The following JMY variants were observed in gnomAD, a reference collection of about 807,000 sequenced individuals.
JMY encodes junction mediating and regulatory protein, p53 cofactor.
JMY carries 46 observed loss-of-function variants against 103.3 expected under a neutral mutation model. The ratio of observed to expected loss-of-function variants is 0.45; its 90% CI spans 0.35 to 0.57. The LOEUF (loss-of-function observed/expected upper bound fraction) is 0.57, where lower values mean the gene tolerates loss of function less well. Ranked by LOEUF, JMY falls within the 20% of genes least tolerant of loss-of-function variation. The pLI, the probability that JMY is intolerant of heterozygous loss-of-function variation, is 0.00. For missense variants in JMY, 1,238 were observed against 1,255.2 expected (o/e 0.99, Z 0.21); for synonymous variants, 526 against 489.3 (o/e 1.07, Z -0.99).
intron 6 of JMY, among the ~76,000 whole-genome samples, chr5:79,304,288 T>C (rs886722994): frequency 2.6e-5 from 4 of 152,130 alleles, no homozygotes; most frequent in Non-Finnish European, 5.9e-5. Flanking sequence ...GAAAAGCTAC[T>C]GAGAAGATCA....
chr5:79,299,230 A>G (rs940447668), intron 4 of JMY, among the ~76,000 whole-genome samples: 6 of 152,152 alleles, frequency 3.9e-5, no homozygotes, highest in African/African-American at 1.4e-4. Flanking sequence ...CCTTTAAACT[A>G]CCAAAGCAGT....
intron 10 of JMY, among the ~76,000 whole-genome samples, chr5:79,318,174 CTT>C (rs35595124): frequency 6.8e-6 from 1 of 146,044 alleles, no homozygotes. Context: ...GCTCTTTTTT[CTT>C]TTTTTTTTTT....
intron 10 of JMY, among the ~76,000 whole-genome samples, chr5:79,319,681 A>T (rs543285379): frequency 5.3e-5 from 8 of 152,018 alleles, no homozygotes; most frequent in Middle Eastern, 3.4e-3. Flanking sequence ...TCGTGATTCA[A>T]GAGATTCTCC....
chr5:79,271,927 A>G (rs978448524), intron 1 of JMY, among the ~76,000 whole-genome samples: 2 of 152,090 alleles, frequency 1.3e-5, no homozygotes, highest in African/African-American at 2.4e-5. Flanking sequence ...AGGGGGCAAC[A>G]TGGTGAAACT....
chr5:79,265,188 T>G (rs2112070226), intron 1 of JMY, among the ~76,000 whole-genome samples: 1 of 152,344 alleles, frequency 6.6e-6, no homozygotes, highest in Non-Finnish European at 1.5e-5. Flanking sequence ...CCTCCCAAAG[T>G]GCTGGGATTA....
chr5:79,300,326 G>A lies in JMY; in HGVS notation c.1693+8G>A, dbSNP rs59421799. On this transcript the variant is annotated splice_region_variant and intron_variant, in intron 5 of 10. Coordinates refer to ENST00000396137, the MANE Select transcript of JMY (RefSeq NM_152405.5). ...TCAAAAGACTTATATCAGGTATGGC[G>A]TGCATTTAACCACATAAGTTCACCA... 37 of 1,518,502 alleles carry A rather than the reference G, an allele frequency of 2.4e-5. No homozygotes were observed. The African/African-American group carries it at 3.4e-4, about 14-fold the overall frequency. The allele number at this position is 1,518,502 out of a possible 1,614,324, so 94.1% of individuals were successfully genotyped here. A position where few individuals can be genotyped will look rare whatever the true frequency, so the allele number is the denominator to read the frequency against.
intron 10 of JMY, among the ~76,000 whole-genome samples, chr5:79,318,064 T>C (rs1252693132): frequency 6.6e-6 from 1 of 152,180 alleles, no homozygotes; most frequent in Non-Finnish European, 1.5e-5. Flanking sequence ...TGCAGTGACA[T>C]GATCTCGGCT....
chr5:79,238,194 C>G (rs951520083), intron 1 of JMY, among the ~76,000 whole-genome samples: 3 of 152,112 alleles, frequency 2.0e-5, no homozygotes, highest in Admixed American at 1.3e-4. Context: ...GAAAAAGCAC[C>G]TAGTGACTAT....
chr5:79,318,181 T>C (rs1447048202), intron 10 of JMY, among the ~76,000 whole-genome samples: 2 of 150,962 alleles, frequency 1.3e-5, no homozygotes, highest in African/African-American at 2.4e-5. Context: ...TTTCTTTTTT[T>C]TTTTTGTATT....
chr5:79,314,631 T>TCCCCCCCCCCCCCCCCCCCCCCCCCCCCC lies in JMY; in HGVS notation c.2444_2445insCCCCCCCCCCCCCCCCCCCCCCCCCCCCC (p.Pro825HisfsTer73). On this transcript the variant is annotated frameshift_variant, in exon 9 of 11. Coordinates refer to ENST00000396137, the MANE Select transcript of JMY (RefSeq NM_152405.5). LOFTEE classifies it high-confidence loss of function. ...CCCCTCTTCCTCCAACACCACCACC[T>TCCCCCCCCCCCCCCCCCCCCCCCCCCCCC]CCCCCACCTCCTCCCCCTCCCCCAC... 1.0e-6 allele frequency: 1 copy of TCCCCCCCCCCCCCCCCCCCCCCCCCCCCC among 978,610 alleles called. No individual in the cohort carries two copies. 60.6% of individuals were successfully genotyped at this position (978,610 alleles called of 1,614,324 possible).
Position 79,236,693 on chromosome 5 carries a change from G to T in JMY, c.43G>T (p.Ala15Ser). 6.7e-7 allele frequency: 1 copy of T among 1,491,580 alleles called. No individual in the cohort carries two copies. 92.4% of individuals were successfully genotyped at this position (1,491,580 alleles called of 1,614,324 possible). A position where few individuals can be genotyped will look rare whatever the true frequency, so the allele number is the denominator to read the frequency against. ...LEETLESDWV[A>S]VRPHVFDERE... ...GGAGACGCTCGAGTCGGACTGGGTG[G>T]CTGTGCGGCCCCATGTGTTCGACGA... Residue 15 changes from alanine (A) to serine (S), a missense_variant, in exon 1 of 11, where the codon GCT becomes TCT. Physicochemically the swap from Ala to Ser is moderately conservative, Grantham distance 99 (BLOSUM62 1). Coordinates refer to ENST00000396137, the MANE Select transcript of JMY (RefSeq NM_152405.5).
At chr5:79,309,709 T>C (rs940629976) in intron 7 of JMY, among the ~76,000 whole-genome samples, 5 of 151,682 alleles carry the variant, frequency 3.3e-5, no homozygotes, top group Non-Finnish European at 5.9e-5. Flanking sequence ...AAACTACCCA[T>C]AAACTATAAG....
intron 1 of JMY, among the ~76,000 whole-genome samples, chr5:79,243,649 T>A (rs979145104): frequency 2.0e-5 from 3 of 152,236 alleles, no homozygotes; most frequent in South Asian, 2.1e-4. Context: ...CAAACTGCTC[T>A]TTTACTGTAA....
chr5:79,317,630 G>C (rs1407364834), intron 10 of JMY, among the ~76,000 whole-genome samples: 1 of 152,198 alleles, frequency 6.6e-6, no homozygotes, highest in East Asian at 1.9e-4. Context: ...GGGAAGACTT[G>C]AGTCCTAGAA....
chr5:79,245,080 CTT>C (rs1397238999), intron 1 of JMY, among the ~76,000 whole-genome samples: 5 of 152,016 alleles, frequency 3.3e-5, no homozygotes, highest in Middle Eastern at 3.2e-3. Flanking sequence ...ATAGTAGACT[CTT>C]TTTCAGACTG....
intron 2 of JMY, among the ~76,000 whole-genome samples, chr5:79,282,178 A>G (rs1399421851): frequency 1.3e-5 from 2 of 152,036 alleles, no homozygotes; most frequent in Non-Finnish European, 2.9e-5. Flanking sequence ...CTGCATTCCA[A>G]CCTGGGTGAC....
chr5:79,290,652 C>T (rs1356940900), intron 3 of JMY, among the ~76,000 whole-genome samples: 1 of 152,066 alleles, frequency 6.6e-6, no homozygotes, highest in East Asian at 1.9e-4. Flanking sequence ...TTTCTGAGGA[C>T]AGATTGAAGA....
chr5:79,251,042 G>C (rs1171184133), intron 1 of JMY, among the ~76,000 whole-genome samples: 3 of 151,990 alleles, frequency 2.0e-5, no homozygotes, highest in Non-Finnish European at 2.9e-5. Context: ...TTCTTAAGAA[G>C]AGTATGTAGG....
chr5:79,312,549 A>C (rs1472019848), intron 8 of JMY, 51 bp downstream of exon 8: 3 of 927,184 alleles, frequency 3.2e-6, no homozygotes, highest in East Asian at 2.7e-5. Context: ...TTTTTTTTTA[A>C]CAGAGCTACA....
Sources: gnomAD v4.1 joint callset for allele counts (sites outside exome capture counted in the v4.1 genomes callset) on GRCh38, gnomAD v4.1.1 for gene constraint, MANE v1.5 for transcripts, NCBI Gene and HGNC (gene_info 2026-07-23, HGNC 2026-07-21) for gene names.